COL19A1: variants seen among roughly 807,000 people sequenced by gnomAD.
COL19A1 encodes collagen type XIX alpha 1 chain.
In COL19A1, 159 loss-of-function variants were observed where a neutral mutation model predicts 190.2. That is an observed-to-expected ratio of 0.84 (90% confidence interval 0.73 to 0.95). The LOEUF (loss-of-function observed/expected upper bound fraction) is 0.95, where lower values mean the gene tolerates loss of function less well. Among genes scored for constraint, COL19A1 ranks in the 40% least tolerant of loss-of-function variants. COL19A1 has a pLI of 0.00. For synonymous variants in COL19A1, 509 were observed against 458.9 expected, an observed-to-expected ratio of 1.11 and a Z score of -1.39; for missense variants, 1,418 against 1,431.9, an observed-to-expected ratio of 0.99 and a Z score of 0.16.
intron 16 of COL19A1, among the ~76,000 whole-genome samples, chr6:70,108,614 G>T (rs1466463030): frequency 6.6e-6 from 1 of 152,076 alleles, no homozygotes; most frequent in African/African-American, 2.4e-5. Flanking sequence ...TTAAATATAA[G>T]TGCTATTTCA....
chr6:69,890,241 G>T (rs1769254848), intron 2 of COL19A1: 1 of 152,156 alleles, frequency 6.6e-6, no homozygotes. Context: ...CCTCTCTTTT[G>T]AATTCCATTC....
chr6:70,171,196 G>A (rs751392127), intron 40 of COL19A1, among the ~76,000 whole-genome samples: 5 of 152,256 alleles, frequency 3.3e-5, no homozygotes, highest in Admixed American at 6.5e-5. Flanking sequence ...TAGTGTTAGT[G>A]TATTTTATTG....
In COL19A1 at chr6:70,121,867, G is replaced by T; in HGVS notation, c.1279-13G>T. On this transcript the variant is annotated splice_polypyrimidine_tract_variant and intron_variant, in intron 16 of 50. Transcript: ENST00000620364. ...ATGTGTATATATTTGTCTTTGATTT[G>T]TTTATAATACAGGGACCTCCTGGAA... The T allele has an allele frequency of 1.3e-6, 2 of 1,529,212 alleles. No homozygotes were observed. Among genetic ancestry groups the T allele is most frequent in the Non-Finnish European group, 1.8e-6 (2 of 1,125,458 alleles). 94.7% of individuals were successfully genotyped at this position (1,529,212 alleles called of 1,614,324 possible). A position where few individuals can be genotyped will look rare whatever the true frequency, so the allele number is the denominator to read the frequency against.
intron 6 of COL19A1, among the ~76,000 whole-genome samples, chr6:69,930,824 CA>C (rs1772714359): frequency 6.6e-6 from 1 of 151,936 alleles, no homozygotes; most frequent in African/African-American, 2.4e-5. Context: ...AACAAACAAA[CA>C]AAAGAATTGA....
chr6:69,963,166 T>C (rs1397665668), intron 11 of COL19A1, among the ~76,000 whole-genome samples: 2 of 152,212 alleles, frequency 1.3e-5, no homozygotes, highest in Non-Finnish European at 2.9e-5. Context: ...TATGAAATCA[T>C]TCACTCACTA....
intron 14 of COL19A1, among the ~76,000 whole-genome samples, chr6:70,065,766 AAAAC>A (rs1486880870): frequency 1.3e-5 from 2 of 152,212 alleles, no homozygotes; most frequent in East Asian, 1.9e-4. Flanking sequence ...TTACAAGAAA[AAAAC>A]AAACAACCCC....
At chr6:69,917,065 T>A (rs1771354228) in intron 4 of COL19A1, among the ~76,000 whole-genome samples, 1 of 152,228 alleles carries the variant, frequency 6.6e-6, no homozygotes, top group Non-Finnish European at 1.5e-5. Flanking sequence ...AACTATGATG[T>A]GTGGTTTCTT....
chr6:70,205,048 C>T (rs1767775744), intron 49 of COL19A1, among the ~76,000 whole-genome samples: 1 of 152,112 alleles, frequency 6.6e-6, no homozygotes, highest in Admixed American at 6.5e-5. Context: ...GTTATTATGT[C>T]ACATGTCAAA....
intron 4 of COL19A1, among the ~76,000 whole-genome samples, chr6:69,915,935 T>A (rs1771267491): frequency 2.9e-5 from 2 of 69,838 alleles, no homozygotes; most frequent in African/African-American, 2.3e-4. Context: ...TCATCTCATC[T>A]TTTTTTTTTT....
intron 2 of COL19A1, among the ~76,000 whole-genome samples, chr6:69,892,157 A>T (rs1769394742): frequency 1.3e-5 from 2 of 152,180 alleles, no homozygotes; most frequent in Non-Finnish European, 2.9e-5. Flanking sequence ...CTTTCCCAAA[A>T]AGGAAACCTC....
At chr6:70,129,403 G>C (rs1481754784) in intron 17 of COL19A1, among the ~76,000 whole-genome samples, 1 of 152,180 alleles carries the variant, frequency 6.6e-6, no homozygotes, top group Non-Finnish European at 1.5e-5. Flanking sequence ...ATAGCAATAG[G>C]TAACATTAAT....
chr6:70,031,457 G>GC (rs201185138), intron 12 of COL19A1, among the ~76,000 whole-genome samples: 1 of 151,598 alleles, frequency 6.6e-6, no homozygotes, highest in Non-Finnish European at 1.5e-5. Context: ...ATCCTCCCTT[G>GC]CCCCCTCACT....
At chr6:69,881,987 G>A (rs1417188797) in intron 2 of COL19A1, among the ~76,000 whole-genome samples, 1 of 152,180 alleles carries the variant, frequency 6.6e-6, no homozygotes, top group Non-Finnish European at 1.5e-5. Context: ...GCAGACCTGC[G>A]CGTGTGGTCA....
At chr6:70,093,893 G>C (rs1394301225) in intron 15 of COL19A1, among the ~76,000 whole-genome samples, 1 of 152,200 alleles carries the variant, frequency 6.6e-6, no homozygotes, top group Non-Finnish European at 1.5e-5. Flanking sequence ...AAGGGGCAGA[G>C]AGATGAGTAA....
chr6:69,908,386 G>A (rs1389553749), intron 4 of COL19A1, among the ~76,000 whole-genome samples: 1 of 152,160 alleles, frequency 6.6e-6, no homozygotes, highest in Non-Finnish European at 1.5e-5. Flanking sequence ...TAGTTACAAA[G>A]TTGTCCAGCT....
In COL19A1 at chr6:69,927,988, C is replaced by T. The variant is rs1416918271; in HGVS notation, c.346C>T (p.Arg116Trp). The T allele has an allele frequency of 7.4e-6, 12 of 1,613,006 alleles. No individual in the cohort carries two copies. Among genetic ancestry groups the T allele is most frequent in the South Asian group, 2.2e-5 (2 of 91,024 alleles). ...FRVRRNAKKE[R>W]WFLWQVLNQQ... ...AGTACGAAGAAACGCCAAAAAGGAA[C>T]GGTGGTTTCTGTGGCAGGTTTTAAA... The change falls in exon 5 of 51, where the codon CGG (arginine) becomes TGG (tryptophan). Residue 116 changes from arginine (R) to tryptophan (W), a missense_variant. Arg to Trp is a moderately radical substitution (Grantham distance 101, BLOSUM62 -3). Coordinates refer to ENST00000620364, the MANE Select transcript of COL19A1 (RefSeq NM_001858.6).
chr6:69,885,453 A>C (rs1768856657), intron 2 of COL19A1, among the ~76,000 whole-genome samples: 1 of 152,200 alleles, frequency 6.6e-6, no homozygotes. Context: ...TAACACACCT[A>C]TCACCTCACG....
At chr6:70,017,270 G>GA (rs1778165050) in intron 11 of COL19A1, among the ~76,000 whole-genome samples, 1 of 152,122 alleles carries the variant, frequency 6.6e-6, no homozygotes, top group East Asian at 1.9e-4. Flanking sequence ...GAAATTTCTA[G>GA]AAAAAAGCAA....
At chr6:70,117,882 A>G (rs1026583081) in intron 16 of COL19A1, among the ~76,000 whole-genome samples, 2 of 152,206 alleles carry the variant, frequency 1.3e-5, no homozygotes, top group African/African-American at 4.8e-5. Flanking sequence ...TTTCCTTTCC[A>G]TAAACCTTTA....
Sources: allele counts gnomAD v4.1 joint callset (sites outside exome capture counted in the v4.1 genomes callset), GRCh38; gene constraint gnomAD v4.1.1; transcripts MANE v1.5; gene names NCBI Gene and HGNC (gene_info 2026-07-23, HGNC 2026-07-21).